GTF3C1: variants seen among roughly 807,000 people sequenced by gnomAD.
GTF3C1 encodes general transcription factor 3C polypeptide 1.
Under a neutral mutation model 226.7 loss-of-function variants are expected in GTF3C1, and 57 were observed. That is an observed-to-expected ratio of 0.25 (90% confidence interval 0.20 to 0.31). The LOEUF is 0.31. Ranked by LOEUF, GTF3C1 falls within the 10% of genes least tolerant of loss-of-function variation. The probability of loss-of-function intolerance (pLI) is 1.00; values close to 1 mark genes in which losing one functional copy is unlikely to be tolerated. For missense variants in GTF3C1, 2,217 were observed against 2,776.1 expected (o/e 0.80, Z 4.53); for synonymous variants, 1,090 against 1,084.8 (o/e 1.00, Z -0.09).
intron 19 of GTF3C1, 109 bp from the exon 20 acceptor site, chr16:27,489,852 G>A: frequency 8.9e-7 from 1 of 1,123,250 alleles, no homozygotes. Flanking sequence ...CCTGTGAAAA[G>A]GCTCCCCGGC....
In GTF3C1 at chr16:27,492,209, G is replaced by T. The variant is rs1392070613; in HGVS notation, c.3151+129C>A. 6.3e-6 allele frequency: 4 copies of T among 630,356 alleles called. No individual in the cohort carries two copies. The highest frequency in any genetic ancestry group is 1.1e-5 in the Non-Finnish European group (4 of 355,606). The allele number at this position is 630,356 out of a possible 1,614,324, so 39.0% of individuals were successfully genotyped here. On this transcript the variant is annotated intron_variant, in intron 19 of 36. Coordinates refer to ENST00000356183, the MANE Select transcript of GTF3C1 (RefSeq NM_001520.4). This position sits in a 1 kb window ranked among gnomAD's most constrained non-coding sequence, Gnocchi z 5.0. ...CCAAGGGAGCCCCAGGGGTGCTCTGGGCCTCTGGGGAGCACTCGGAACATA... is the reference window on the plus strand; with the variant it reads ...CCAAGGGAGCCCCAGGGGTGCTCTGTGCCTCTGGGGAGCACTCGGAACATA...
At chr16:27,511,449 C>A (rs1422508579) in intron 7 of GTF3C1, among the ~76,000 whole-genome samples, 1 of 152,162 alleles carries the variant, frequency 6.6e-6, no homozygotes, top group Non-Finnish European at 1.5e-5. Flanking sequence ...AATAAGCTCC[C>A]TCTTATATAT....
intron 28 of GTF3C1, among the ~76,000 whole-genome samples, chr16:27,477,363 A>C (rs770150274): frequency 2.0e-5 from 3 of 151,676 alleles, no homozygotes; most frequent in African/African-American, 7.3e-5. Context: ...CTTGAGTGCA[A>C]TGGTGTGATC....
chr16:27,538,979 C>T (rs914036799), intron 2 of GTF3C1, among the ~76,000 whole-genome samples: 22 of 143,934 alleles, frequency 1.5e-4, no homozygotes, highest in Admixed American at 4.8e-4. Context: ...TATACACACA[C>T]ACACACACAC....
At chr16:27,539,582 C>T (rs2089052705) in intron 2 of GTF3C1, among the ~76,000 whole-genome samples, 2 of 152,202 alleles carry the variant, frequency 1.3e-5, no homozygotes, top group African/African-American at 2.4e-5. Context: ...TGCCGGGGAA[C>T]CCATCCCTCA....
chr16:27,495,358 G>A lies in GTF3C1; in HGVS notation c.2485C>T (p.Arg829Trp), dbSNP rs376123103. The A allele has an allele frequency of 9.9e-6, 16 of 1,614,014 alleles. No individual in the cohort carries two copies. The highest frequency in any genetic ancestry group is 3.3e-5 in the Admixed American group (2 of 60,008). ...CCTGACTCCTGCTTTATCGTTCTCC[G>A]TTCACTGATGAAGCTTGGCTTCTCC... ...TVEKPSFISE[R>W]RTIKQESGRA... Residue 829 changes from arginine to tryptophan, a missense_variant, in exon 15 of 37, where the codon CGG becomes TGG. Physicochemically the swap from Arg to Trp is moderately radical, Grantham distance 101. Coordinates refer to ENST00000356183, the MANE Select transcript of GTF3C1 (RefSeq NM_001520.4).
intron 6 of GTF3C1, among the ~76,000 whole-genome samples, chr16:27,518,879 G>GC (rs1469638859): frequency 6.6e-6 from 1 of 152,210 alleles, no homozygotes; most frequent in Non-Finnish European, 1.5e-5. Context: ...GAATAAGCTG[G>GC]TAGTAAGGAC....
intron 1 of GTF3C1, among the ~76,000 whole-genome samples, chr16:27,548,482 G>T (rs1444902106): frequency 6.6e-6 from 1 of 152,140 alleles, no homozygotes; most frequent in Non-Finnish European, 1.5e-5. Flanking sequence ...GGTCAGGCGG[G>T]TCTTGAACTG....
In GTF3C1 at chr16:27,506,874, G is replaced by T; in HGVS notation, c.1525C>A (p.Gln509Lys). The change falls in exon 9 of 37, where the codon CAG becomes AAG. Residue 509 changes from glutamine (Q) to lysine (K), a missense_variant. This residue lies in a region of GTF3C1 where 173 missense variants were observed against 207.2 expected (regional missense o/e 0.83). Transcript: ENST00000356183. ...TTGGTTGGGGTGGAGTGATGAGGCT[G>T]GGTCTTGGGCCGGAGGTTTGCAGAG... The part of the protein sequence containing the change: ...RASANLRPKT[Q>K]PHHSTPTKGG... 6.2e-7 allele frequency: 1 copy of T among 1,612,124 alleles called. No homozygotes were observed. Among genetic ancestry groups the T allele is most frequent in the South Asian group, 1.1e-5 (1 of 90,840 alleles).
chr16:27,511,614 C>A, intron 7 of GTF3C1, 135 bp downstream of exon 7: 1 of 881,796 alleles, frequency 1.1e-6, no homozygotes, highest in East Asian at 2.6e-5. Context: ...AAGCCTAAAC[C>A]CTTCTGGGGA....
chr16:27,532,683 C>A (rs1303900880), intron 5 of GTF3C1, among the ~76,000 whole-genome samples: 1 of 152,176 alleles, frequency 6.6e-6, no homozygotes, highest in Non-Finnish European at 1.5e-5. Context: ...TACAAAACCA[C>A]TGGGAACAAG....
Position 27,523,956 on chromosome 16 carries a change from A to C in GTF3C1, c.973+4642T>G, listed in dbSNP as rs193237401. On this transcript the variant is annotated intron_variant, in intron 6 of 36. Coordinates refer to ENST00000356183, the MANE Select transcript of GTF3C1 (RefSeq NM_001520.4). Reference sequence around the variant, plus strand: ...TTGGTGCCTGCTGCCTTAATCCAGCACAAGGAGCCAAAACCACCACTGTCT... The same window carrying C: ...TTGGTGCCTGCTGCCTTAATCCAGCCCAAGGAGCCAAAACCACCACTGTCT... Among the ~76,000 whole-genome samples, 52 of 152,336 alleles carry C rather than the reference A, an allele frequency of 3.4e-4. 1 individual carries two copies. The highest frequency in any genetic ancestry group is 1.1e-3 in the African/African-American group (46 of 41,572).
rs773901302 is a variant in GTF3C1, at chr16:27,484,363, A to G, written c.3859-10T>C. Reference sequence around the variant, plus strand: ...CAAATGGGCCCTTCACCTGGATCAAACACAGAGCCAAGACAAAAAGTCAGT... The same window carrying G: ...CAAATGGGCCCTTCACCTGGATCAAGCACAGAGCCAAGACAAAAAGTCAGT... On this transcript the variant is annotated splice_polypyrimidine_tract_variant and intron_variant, in intron 24 of 36. Transcript: ENST00000356183. 5.6e-6 allele frequency: 9 copies of G among 1,597,438 alleles called. No individual in the cohort carries two copies. The Admixed American group carries it at 1.5e-4, about 27-fold the overall frequency.
At chr16:27,464,965 C>T in intron 33 of GTF3C1, 129 bp from the exon 34 acceptor site, 2 of 779,690 alleles carry the variant, frequency 2.6e-6, no homozygotes, top group Non-Finnish European at 4.0e-6. Flanking sequence ...GCCCACGAGG[C>T]AGGCCTGGCT....
At chr16:27,468,686 C>T (rs1447719300) in intron 32 of GTF3C1, among the ~76,000 whole-genome samples, 1 of 151,214 alleles carries the variant, frequency 6.6e-6, no homozygotes, top group Non-Finnish European at 1.5e-5. Context: ...CACTTAAGGC[C>T]AGGAGTTTGA....
At chr16:27,493,411 G>A (rs1445554272) in intron 16 of GTF3C1, 115 bp from the exon 17 acceptor site, 3 of 660,648 alleles carry the variant, frequency 4.5e-6, no homozygotes, top group East Asian at 2.8e-5. Flanking sequence ...CCTGCCCACT[G>A]GGCTCTCCTT....
Position 27,506,903 on chromosome 16 carries a change from CTT to C in GTF3C1, c.1494_1495del (p.Arg499SerfsTer41), listed in dbSNP as rs1366724293. ...CTTGGGCCGGAGGTTTGCAGAGGCT[CTT>C]GTGTCTTTCTGGGACCCTCTGCCTC... On this transcript the variant is annotated frameshift_variant, in exon 9 of 37. Transcript: ENST00000356183. LOFTEE classifies it high-confidence loss of function. 2 of 1,613,766 alleles carry C rather than the reference CTT, an allele frequency of 1.2e-6. No individual in the cohort carries two copies. The highest frequency in any genetic ancestry group is 1.7e-5 in the Admixed American group (1 of 59,998).
chr16:27,472,546 A>C (rs1161465541), intron 29 of GTF3C1, among the ~76,000 whole-genome samples: 1 of 151,956 alleles, frequency 6.6e-6, no homozygotes, highest in Non-Finnish European at 1.5e-5. Context: ...TGTGACCACA[A>C]CCAGTCCTTC....
At chr16:27,465,701 C>A in intron 32 of GTF3C1, 161 bp from the exon 33 acceptor site, 2 of 617,028 alleles carry the variant, frequency 3.2e-6, no homozygotes, top group South Asian at 2.0e-5. Flanking sequence ...GGGCCCCTGG[C>A]AGTCAGGCTC....
Sources: gnomAD v4.1 joint callset for allele counts (sites outside exome capture counted in the v4.1 genomes callset) on GRCh38, gnomAD v4.1.1 for gene constraint, gnomAD v4.1.1 regional missense constraint, Gnocchi (gnomAD v3.1) non-coding constraint, MANE v1.5 for transcripts, NCBI Gene and HGNC (gene_info 2026-07-23, HGNC 2026-07-21) for gene names.